Variants in CSMD1 observed in about 807,000 individuals in gnomAD.
CSMD1 encodes CUB and sushi domain-containing protein 1.
A neutral mutation model predicts 417.5 loss-of-function variants in CSMD1; 213 were observed. The observed-to-expected ratio is 0.51, with a 90% CI of 0.46 to 0.57. The LOEUF (loss-of-function observed/expected upper bound fraction) is 0.57, where lower values mean the gene tolerates loss of function less well. CSMD1 is among the 20% of genes least tolerant of loss of function. CSMD1 has a pLI of 0.00. For missense variants in CSMD1, 6,923 were observed against 4,529.7 expected (o/e 1.53, Z -15.17); for synonymous variants, 2,862 against 1,736.8 (o/e 1.65, Z -16.11).
intron 7 of CSMD1, among the ~76,000 whole-genome samples, chr8:3,669,402 C>G (rs1798870317): frequency 6.6e-6 from 1 of 152,100 alleles, no homozygotes; most frequent in African/African-American, 2.4e-5. Context: ...GCTGGCCAGT[C>G]TAGGGGTTCG....
intron 4 of CSMD1, among the ~76,000 whole-genome samples, chr8:4,026,281 A>G (rs1197646880): frequency 2.6e-5 from 4 of 152,230 alleles, no homozygotes; most frequent in African/African-American, 4.8e-5. Flanking sequence ...CGCAATTTGA[A>G]GTCATACTAC....
chr8:4,743,476 G>C (rs747782328), intron 1 of CSMD1, among the ~76,000 whole-genome samples: 7 of 152,166 alleles, frequency 4.6e-5, no homozygotes, highest in Non-Finnish European at 7.4e-5. Context: ...GGGCCGGTCA[G>C]AAACACCGGA....
chr8:3,979,313 T>G (rs12677287), intron 5 of CSMD1, among the ~76,000 whole-genome samples: 20 of 151,966 alleles, frequency 1.3e-4, no homozygotes, highest in Admixed American at 1.2e-3. Flanking sequence ...AACAGAGGTG[T>G]GAATCAGGTA....
At chr8:4,762,912 T>C (rs1812210960) in intron 1 of CSMD1, among the ~76,000 whole-genome samples, 1 of 152,158 alleles carries the variant, frequency 6.6e-6, no homozygotes, top group African/African-American at 2.4e-5. Context: ...AGCAGCATTG[T>C]AGGTAGGGTT....
chr8:3,500,888 G>C (rs899395295), intron 10 of CSMD1, among the ~76,000 whole-genome samples: 3 of 152,158 alleles, frequency 2.0e-5, no homozygotes, highest in Admixed American at 2.0e-4. Flanking sequence ...CATGGATGAA[G>C]AGAAGTAAGA....
intron 8 of CSMD1, among the ~76,000 whole-genome samples, chr8:3,593,786 T>C (rs1460143414): frequency 6.6e-6 from 1 of 152,206 alleles, no homozygotes; most frequent in African/African-American, 2.4e-5. Flanking sequence ...GCTATCCTTA[T>C]TATATATGGG....
At chr8:2,988,643 C>T (rs1031650509) in intron 54 of CSMD1, among the ~76,000 whole-genome samples, 1 of 152,158 alleles carries the variant, frequency 6.6e-6, no homozygotes, top group African/African-American at 2.4e-5. Context: ...ACATCTTCAA[C>T]TGTATAAATT....
At chr8:4,224,568 G>C (rs540366465) in intron 3 of CSMD1, among the ~76,000 whole-genome samples, 1 of 152,278 alleles carries the variant, frequency 6.6e-6, no homozygotes, top group East Asian at 1.9e-4. Context: ...GTCCCACGGT[G>C]CTTCAGTGGT....
At chr8:4,656,311 G>C (rs1467014712) in intron 1 of CSMD1, among the ~76,000 whole-genome samples, 1 of 152,040 alleles carries the variant, frequency 6.6e-6, no homozygotes, top group Non-Finnish European at 1.5e-5. Context: ...AAAGACATCT[G>C]AGAGGCAACC....
intron 1 of CSMD1, among the ~76,000 whole-genome samples, chr8:4,832,848 C>A (rs1800234595): frequency 6.6e-6 from 1 of 152,070 alleles, no homozygotes; most frequent in Non-Finnish European, 1.5e-5. Flanking sequence ...AAAGCAGGTG[C>A]ATGTGTGTGA....
intron 5 of CSMD1, among the ~76,000 whole-genome samples, chr8:3,974,242 A>G (rs567457496): frequency 6.0e-5 from 9 of 150,774 alleles, no homozygotes; most frequent in African/African-American, 2.0e-4. Context: ...TAAATAATAT[A>G]ATTATCTTAA....
chr8:3,607,834 T>C (rs962418046), intron 8 of CSMD1, among the ~76,000 whole-genome samples: 10 of 152,136 alleles, frequency 6.6e-5, no homozygotes, highest in Admixed American at 1.3e-4. Flanking sequence ...GGTGTTGGTG[T>C]GGCAGAAAGG....
At chr8:4,696,508 C>T (rs1363169032) in intron 1 of CSMD1, among the ~76,000 whole-genome samples, 1 of 152,138 alleles carries the variant, frequency 6.6e-6, no homozygotes, top group Non-Finnish European at 1.5e-5. Flanking sequence ...TAGAGGAAAA[C>T]AGGTCTTAAA....
At chr8:4,465,697 G>A (rs904740996) in intron 2 of CSMD1, among the ~76,000 whole-genome samples, 1 of 152,176 alleles carries the variant, frequency 6.6e-6, no homozygotes, top group Non-Finnish European at 1.5e-5. Context: ...GACCATTAAA[G>A]GAAGAAGAAT....
intron 6 of CSMD1, among the ~76,000 whole-genome samples, chr8:3,710,463 G>A (rs927735004): frequency 5.9e-5 from 9 of 152,250 alleles, no homozygotes; most frequent in Non-Finnish European, 1.0e-4. Flanking sequence ...CTCAGTAACC[G>A]ACTGTGTGTG....
At chr8:4,700,414 A>T (rs1563170039) in intron 1 of CSMD1, among the ~76,000 whole-genome samples, 1 of 152,124 alleles carries the variant, frequency 6.6e-6, no homozygotes, top group Non-Finnish European at 1.5e-5. Context: ...CAAGTTTTAT[A>T]CTTATAAACA....
chr8:4,531,419 C>A (rs1318906630), intron 2 of CSMD1, among the ~76,000 whole-genome samples: 1 of 152,170 alleles, frequency 6.6e-6, no homozygotes, highest in Non-Finnish European at 1.5e-5. Flanking sequence ...AATCTCAACT[C>A]TATTGATTGC....
At chr8:4,188,159 A>C (rs1054217246) in intron 3 of CSMD1, among the ~76,000 whole-genome samples, 49 of 152,252 alleles carry the variant, frequency 3.2e-4, no homozygotes, top group Middle Eastern at 6.8e-3. Flanking sequence ...AACGTATTTA[A>C]ATTGCACGTC....
intron 7 of CSMD1, among the ~76,000 whole-genome samples, chr8:3,633,262 G>T (rs1192356425): frequency 6.6e-6 from 1 of 152,142 alleles, no homozygotes; most frequent in African/African-American, 2.4e-5. Flanking sequence ...CTGACACTGA[G>T]AAGTACCACA....
Sources: allele counts gnomAD v4.1 joint callset (sites outside exome capture counted in the v4.1 genomes callset), GRCh38; gene constraint gnomAD v4.1.1; transcripts MANE v1.5; gene names NCBI Gene and HGNC (gene_info 2026-07-23, HGNC 2026-07-21).